The following TBCK variants were observed in gnomAD, a reference collection of about 807,000 sequenced individuals.
TBCK encodes the protein TBC1 domain containing kinase.
In TBCK, 99 loss-of-function variants were observed where a neutral mutation model predicts 113.4. That is an observed-to-expected ratio of 0.87 (90% CI 0.74 to 1.03). TBCK has a LOEUF of 1.03. Among genes scored for constraint, TBCK ranks in the 50% least tolerant of loss-of-function variants. TBCK has a pLI of 0.00. For missense variants in TBCK, 1,045 were observed against 1,061.3 expected, an observed-to-expected ratio of 0.98 and a Z score of 0.21; for synonymous variants, 369 against 370.8, an observed-to-expected ratio of 1.00 and a Z score of 0.05.
At chr4:106,078,992 A>G (rs1738546411) in intron 25 of TBCK, among the ~76,000 whole-genome samples, 1 of 152,204 alleles carries the variant, frequency 6.6e-6, no homozygotes, top group Admixed American at 6.5e-5. Context: ...TATGCAACTA[A>G]ATAAATATGA....
At chr4:106,282,003 G>A (rs1764644852) in intron 3 of TBCK, among the ~76,000 whole-genome samples, 1 of 152,052 alleles carries the variant, frequency 6.6e-6, no homozygotes, top group African/African-American at 2.4e-5. Flanking sequence ...GGAAAAGTTT[G>A]GCGGAATTCA....
intron 3 of TBCK, among the ~76,000 whole-genome samples, chr4:106,275,388 A>G (rs904616662): frequency 2.0e-5 from 3 of 152,180 alleles, no homozygotes; most frequent in African/African-American, 7.2e-5. Flanking sequence ...TTGACCATTC[A>G]ATATTTGTAT....
chr4:106,068,349 T>C (rs1421145655), intron 25 of TBCK, among the ~76,000 whole-genome samples: 1 of 152,052 alleles, frequency 6.6e-6, no homozygotes, highest in Non-Finnish European at 1.5e-5. Flanking sequence ...CCCTGCCCTG[T>C]GTCCAAGTGT....
chr4:106,303,413 G>A (rs1460858321), intron 2 of TBCK, among the ~76,000 whole-genome samples: 10 of 151,954 alleles, frequency 6.6e-5, no homozygotes, highest in Admixed American at 6.6e-4. Context: ...GCAAACACAT[G>A]TGTACATATG....
chr4:106,294,703 G>A (rs1465693149), intron 3 of TBCK, among the ~76,000 whole-genome samples: 2 of 151,716 alleles, frequency 1.3e-5, no homozygotes, highest in Non-Finnish European at 2.9e-5. Flanking sequence ...GGATGGTCTC[G>A]ATCTCCTGAC....
chr4:106,193,522 G>T, intron 22 of TBCK, 87 bp downstream of exon 22: 1 of 1,422,286 alleles, frequency 7.0e-7, no homozygotes, highest in Admixed American at 1.8e-5. Context: ...TGAAGGCCTG[G>T]ATGGTTATTT....
chr4:106,258,664 C>A (rs1255006950), intron 5 of TBCK, among the ~76,000 whole-genome samples: 1 of 151,872 alleles, frequency 6.6e-6, no homozygotes, highest in African/African-American at 2.4e-5. Context: ...AAATAAAAAT[C>A]AAAAACTTAA....
chr4:106,119,635 C>T (rs187218907), intron 23 of TBCK, among the ~76,000 whole-genome samples: 98 of 152,232 alleles, frequency 6.4e-4, no homozygotes, highest in Non-Finnish European at 1.2e-3. Flanking sequence ...CTCAAAAGCA[C>T]AGGCAACAGA....
In TBCK at chr4:106,231,741, A is replaced by G; in HGVS notation, c.1678T>C (p.Phe560Leu). Residue 560 changes from phenylalanine (F) to leucine (L), a missense_variant, in exon 18 of 26, where the codon TTC becomes CTC. Physicochemically the swap from Phe to Leu is conservative, Grantham distance 22. Transcript: ENST00000394708. ...TAAAGAGGCTTACCTTCATTATTGA[A>G]GTTTAGATATAGGAATGGAGCACAA... ...SLCAPFLYLN[F>L]NNEALAYACM... 6.2e-7 allele frequency: 1 copy of G among 1,609,316 alleles called. No individual in the cohort carries two copies. The highest frequency in any genetic ancestry group is 8.5e-7 in the Non-Finnish European group (1 of 1,177,644).
At chr4:106,124,811 T>C (rs1744945899) in intron 23 of TBCK, among the ~76,000 whole-genome samples, 1 of 146,412 alleles carries the variant, frequency 6.8e-6, no homozygotes. Context: ...TGAAATCACA[T>C]GGACATAGGA....
At chr4:106,307,708 A>G (rs1026760611) in intron 2 of TBCK, among the ~76,000 whole-genome samples, 2 of 152,168 alleles carry the variant, frequency 1.3e-5, no homozygotes, top group Non-Finnish European at 2.9e-5. Context: ...AATTAAATAC[A>G]TTTCACTGAA....
chr4:106,161,806 C>T (rs1236267083), intron 23 of TBCK, among the ~76,000 whole-genome samples: 3 of 151,678 alleles, frequency 2.0e-5, no homozygotes, highest in Admixed American at 6.6e-5. Flanking sequence ...AGCTAATAAC[C>T]GGAAGCCATG....
At chr4:106,161,301 A>T (rs893424878) in intron 23 of TBCK, among the ~76,000 whole-genome samples, 16 of 152,172 alleles carry the variant, frequency 1.1e-4, no homozygotes, top group Non-Finnish European at 1.9e-4. Context: ...CATATTCAGA[A>T]ACCTATATAA....
At chr4:106,217,399 A>T (rs1233558213) in intron 19 of TBCK, among the ~76,000 whole-genome samples, 4 of 152,226 alleles carry the variant, frequency 2.6e-5, no homozygotes, top group Non-Finnish European at 5.9e-5. Flanking sequence ...AATAAAGGGC[A>T]TTCAGTTAGG....
intron 23 of TBCK, among the ~76,000 whole-genome samples, chr4:106,142,772 C>T (rs1320757010): frequency 6.6e-6 from 1 of 152,132 alleles, no homozygotes; most frequent in African/African-American, 2.4e-5. Context: ...CTATCTGTGC[C>T]CATCACTCTT....
rs769293834 is a variant in TBCK at position 106,116,216 on chromosome 4, G to A, written c.2398C>T (p.Arg800Trp). The A allele has an allele frequency of 2.7e-5, 44 of 1,613,504 alleles. No homozygotes were observed. Among genetic ancestry groups the A allele is most frequent in the Non-Finnish European group, 3.5e-5 (41 of 1,179,946 alleles). Residue 800 changes from arginine (R) to tryptophan (W), a missense_variant, in exon 24 of 26, where the codon CGG becomes TGG. Physicochemically the swap from Arg to Trp is moderately radical, Grantham distance 101. Coordinates refer to ENST00000394708, the MANE Select transcript of TBCK (RefSeq NM_001163435.3). ...SKPKLLVVDI[R>W]NSEDFIRGHI... ...TGCAAAGGATACTCTTCACTATTCC[G>A]GATGTCAACCACCAGGAGCTTTGGT...
chr4:106,248,931 T>G lies in TBCK; in HGVS notation c.710A>C (p.Asp237Ala), dbSNP rs1761126122. The G allele has an allele frequency of 1.2e-6, 2 of 1,607,126 alleles. No homozygotes were observed. Among genetic ancestry groups the G allele is most frequent in the Non-Finnish European group, 1.7e-6 (2 of 1,177,856 alleles). Residue 237 changes from aspartate (D) to alanine (A), a missense_variant, in exon 8 of 26, where the codon GAC becomes GCC. Physicochemically the swap from Asp to Ala is moderately radical, Grantham distance 126 (BLOSUM62 -2). Coordinates refer to ENST00000394708, the MANE Select transcript of TBCK (RefSeq NM_001163435.3). The stretch of plus-strand genomic sequence containing the variant: ...AGATTAATGACAAACCTTTATAATG[T>G]CCAAACAACCATGCTCTTCAGCCAG... ...IVLAEEHGCL[D>A]IIKELPETVI... is the part of the protein sequence containing the mutation.
intron 25 of TBCK, among the ~76,000 whole-genome samples, chr4:106,051,216 C>T (rs1734768919): frequency 6.6e-6 from 1 of 151,818 alleles, no homozygotes; most frequent in Admixed American, 6.6e-5. Flanking sequence ...CTCTAGGACA[C>T]AGGTTTGGGA....
intron 22 of TBCK, among the ~76,000 whole-genome samples, chr4:106,192,195 CAG>C (rs1753747270): frequency 6.6e-6 from 1 of 152,022 alleles, no homozygotes; most frequent in Non-Finnish European, 1.5e-5. Flanking sequence ...AGTATAAAAA[CAG>C]ATGCTTCACC....
Sources: allele counts gnomAD v4.1 joint callset (sites outside exome capture counted in the v4.1 genomes callset), GRCh38; gene constraint gnomAD v4.1.1; transcripts MANE v1.5; gene names NCBI Gene and HGNC (gene_info 2026-07-23, HGNC 2026-07-21).